MAPK10: variants seen among roughly 807,000 people sequenced by gnomAD.
MAPK10 encodes the protein JNK3 alpha protein kinase.
MAPK10 carries 25 observed loss-of-function variants against 59.3 expected under a neutral mutation model. That is an observed-to-expected ratio of 0.42 (90% CI 0.31 to 0.59). The LOEUF (loss-of-function observed/expected upper bound fraction) is 0.59. MAPK10 is among the 20% of genes least tolerant of loss of function. MAPK10 has a pLI of 0.15. For missense variants in MAPK10, 351 were observed against 568.9 expected, an observed-to-expected ratio of 0.62 and a Z score of 3.90; for synonymous variants, 190 against 200.5, an observed-to-expected ratio of 0.95 and a Z score of 0.44.
chr4:86,404,463 A>C (rs1744113556), intron 1 of MAPK10, among the ~76,000 whole-genome samples: 1 of 152,190 alleles, frequency 6.6e-6, no homozygotes, highest in Non-Finnish European at 1.5e-5. Context: ...CTCTATGCTA[A>C]TGTACTTACC....
chr4:86,409,581 C>A (rs930702571), intron 1 of MAPK10, among the ~76,000 whole-genome samples: 1 of 152,118 alleles, frequency 6.6e-6, no homozygotes, highest in African/African-American at 2.4e-5. Flanking sequence ...TTTCATTGAA[C>A]AATGGTTTGT....
intron 1 of MAPK10, among the ~76,000 whole-genome samples, chr4:86,572,928 G>A (rs921990550): frequency 6.6e-6 from 1 of 152,002 alleles, no homozygotes; most frequent in Non-Finnish European, 1.5e-5. Flanking sequence ...TTTGCTATCT[G>A]GATATCTTCT....
At chr4:86,146,454 T>C (rs1269887864) in intron 4 of MAPK10, among the ~76,000 whole-genome samples, 2 of 152,142 alleles carry the variant, frequency 1.3e-5, no homozygotes, top group Non-Finnish European at 2.9e-5. Context: ...GACTGCAAAA[T>C]CCTAGTCTTT....
chr4:86,176,106 T>C lies in MAPK10; in HGVS notation c.67-16639A>G, dbSNP rs374466424. ...TGAAAAATGCAGCCTATGGTTATCA[T>C]GCATCATACTTTCAAATAATAACTG... is the stretch of plus-strand genomic sequence containing the variant. On this transcript the variant is annotated intron_variant, in intron 3 of 13. Coordinates refer to ENST00000641462, the MANE Select transcript of MAPK10 (RefSeq NM_138982.4). 400 of 152,314 alleles carry C rather than the reference T, an allele frequency of 2.6e-3. 1 individual carries two copies. Among genetic ancestry groups the C allele is most frequent in the African/African-American group, 8.9e-3 (368 of 41,566 alleles). The allele number at this position is 152,314 out of a possible 1,614,324, so 9.4% of individuals were successfully genotyped here.
chr4:86,234,875 C>T (rs1292984814), intron 2 of MAPK10, among the ~76,000 whole-genome samples: 9 of 152,076 alleles, frequency 5.9e-5, no homozygotes, highest in African/African-American at 1.7e-4. Flanking sequence ...GGAAAGTTTT[C>T]TGCCATTTTA....
At chr4:86,577,051 C>T (rs1015912136) in intron 1 of MAPK10, among the ~76,000 whole-genome samples, 6 of 152,104 alleles carry the variant, frequency 3.9e-5, no homozygotes, top group African/African-American at 9.7e-5. Flanking sequence ...CACATGTAAT[C>T]GCAGCTCTTT....
At chr4:86,444,019 A>C (rs1209988954) in intron 1 of MAPK10, among the ~76,000 whole-genome samples, 1 of 151,904 alleles carries the variant, frequency 6.6e-6, no homozygotes, top group African/African-American at 2.4e-5. Flanking sequence ...GTCAATAGAA[A>C]CTGAAAATTT....
At chr4:86,121,596 TTTAA>T (rs2059256630) in intron 4 of MAPK10, among the ~76,000 whole-genome samples, 1 of 152,174 alleles carries the variant, frequency 6.6e-6, no homozygotes. Context: ...AAAATATATT[TTTAA>T]TTGACAAAAA....
intron 1 of MAPK10, among the ~76,000 whole-genome samples, chr4:86,505,240 T>C (rs2149081067): frequency 6.6e-6 from 1 of 152,304 alleles, no homozygotes; most frequent in South Asian, 2.1e-4. Context: ...ATTTTTAAGT[T>C]TCCTTTCAGC....
At chr4:86,590,379 A>G (rs1762950546) in intron 1 of MAPK10, among the ~76,000 whole-genome samples, 2 of 152,124 alleles carry the variant, frequency 1.3e-5, no homozygotes, top group South Asian at 4.1e-4. Flanking sequence ...ACTCCCACTC[A>G]TTTATTTTCT....
At chr4:86,180,850 G>A (rs1179478348) in intron 3 of MAPK10, among the ~76,000 whole-genome samples, 2 of 152,024 alleles carry the variant, frequency 1.3e-5, no homozygotes, top group East Asian at 1.9e-4. Context: ...AGGCTGAGAT[G>A]GGTAAGGGTT....
At chr4:86,158,508 A>G (rs1443065448) in intron 4 of MAPK10, among the ~76,000 whole-genome samples, 2 of 151,806 alleles carry the variant, frequency 1.3e-5, no homozygotes. Context: ...TCCTTTATAA[A>G]TAAATACACA....
chr4:86,241,832 A>G (rs1375879191), intron 2 of MAPK10, among the ~76,000 whole-genome samples: 1 of 152,134 alleles, frequency 6.6e-6, no homozygotes, highest in Non-Finnish European at 1.5e-5. Flanking sequence ...ACTTCTGTCA[A>G]TTCCTCCATC....
intron 1 of MAPK10, among the ~76,000 whole-genome samples, chr4:86,528,247 A>C (rs542181174): frequency 6.6e-6 from 1 of 152,308 alleles, no homozygotes; most frequent in East Asian, 1.9e-4. Context: ...TATCTAACCC[A>C]TATATTTCTT....
At chr4:86,232,437 C>T (rs1399680561) in intron 2 of MAPK10, among the ~76,000 whole-genome samples, 2 of 151,556 alleles carry the variant, frequency 1.3e-5, no homozygotes, top group Admixed American at 6.6e-5. Flanking sequence ...GCAGTGGCAC[C>T]ATCTCGGCTC....
At chr4:86,317,500 C>A (rs1011243539) in intron 2 of MAPK10, among the ~76,000 whole-genome samples, 1 of 152,178 alleles carries the variant, frequency 6.6e-6, no homozygotes, top group Non-Finnish European at 1.5e-5. Context: ...GCCATATTAT[C>A]TATTGATTAT....
chr4:86,545,323 C>A (rs886525602), intron 1 of MAPK10, among the ~76,000 whole-genome samples: 2 of 152,202 alleles, frequency 1.3e-5, no homozygotes, highest in African/African-American at 2.4e-5. Flanking sequence ...TCATTGCTTT[C>A]TTTCCCCTCA....
chr4:86,385,529 T>C (rs964406435), intron 1 of MAPK10, among the ~76,000 whole-genome samples: 2 of 152,212 alleles, frequency 1.3e-5, no homozygotes, highest in African/African-American at 4.8e-5. Flanking sequence ...TATGTAATCA[T>C]TGGTCCTTTA....
chr4:86,473,371 T>C (rs1168961293), intron 1 of MAPK10, among the ~76,000 whole-genome samples: 1 of 152,162 alleles, frequency 6.6e-6, no homozygotes, highest in Non-Finnish European at 1.5e-5. Flanking sequence ...TGACCTACTG[T>C]GAAGGTTCTC....
Sources: gnomAD v4.1 joint callset for allele counts (sites outside exome capture counted in the v4.1 genomes callset) on GRCh38, gnomAD v4.1.1 for gene constraint, MANE v1.5 for transcripts, NCBI Gene and HGNC (gene_info 2026-07-23, HGNC 2026-07-21) for gene names.